Variants in TNFSF4 observed in about 807,000 individuals in gnomAD.
TNFSF4 encodes tumor necrosis factor ligand superfamily member 4.
TNFSF4 carries 4 observed loss-of-function variants against 7.3 expected under a neutral mutation model. The observed-to-expected ratio is 0.55, with a 90% CI of 0.27 to 1.25. TNFSF4 has a LOEUF of 1.25. Among genes scored for constraint, TNFSF4 ranks in the 50% most tolerant of loss-of-function variants. The probability of loss-of-function intolerance (pLI) is 0.12; values close to 1 mark genes in which losing one functional copy is unlikely to be tolerated. For synonymous variants in TNFSF4, 76 were observed against 83.7 expected (o/e 0.91, Z 0.50); for missense variants, 181 against 208.8 (o/e 0.87, Z 0.82).
chr1:173,191,549 G>A (rs902741267), intron 1 of TNFSF4, among the ~76,000 whole-genome samples: 4 of 152,094 alleles, frequency 2.6e-5, no homozygotes, highest in African/African-American at 9.7e-5. Flanking sequence ...GAAGAGCCTG[G>A]CTCCAACCTC....
chr1:173,433,119 CAA>C, the TNFSF4 span, among the ~76,000 whole-genome samples: 2 of 152,086 alleles, frequency 1.3e-5, no homozygotes, highest in Admixed American at 6.6e-5. Context: ...AATAAGCAAA[CAA>C]GATGTCAAGT....
chr1:173,386,019 TTCA>T, the TNFSF4 span, among the ~76,000 whole-genome samples: 1 of 152,158 alleles, frequency 6.6e-6, no homozygotes, highest in East Asian at 1.9e-4. Flanking sequence ...TCAAATGTTA[TTCA>T]TCAAGACAAG....
At chr1:173,293,004 A>G in the TNFSF4 span, among the ~76,000 whole-genome samples, 534 of 152,280 alleles carry the variant, frequency 3.5e-3, 6 homozygotes, top group African/African-American at 0.011. Flanking sequence ...ACAAAAATAA[A>G]TGGAGAAATA....
the TNFSF4 span, among the ~76,000 whole-genome samples, chr1:173,265,929 A>C: frequency 6.6e-6 from 1 of 152,190 alleles, no homozygotes; most frequent in Non-Finnish European, 1.5e-5. Flanking sequence ...ATCTAATCAT[A>C]AAACTCTTTT....
chr1:173,316,432 C>G, the TNFSF4 span, among the ~76,000 whole-genome samples: 3 of 152,020 alleles, frequency 2.0e-5, no homozygotes, highest in African/African-American at 7.2e-5. Context: ...CTCAATAACA[C>G]AGAATATACA....
At chr1:173,297,316 AC>A in the TNFSF4 span, among the ~76,000 whole-genome samples, 1 of 151,948 alleles carries the variant, frequency 6.6e-6, no homozygotes, top group East Asian at 1.9e-4. Context: ...CTGGCAACAC[AC>A]GAAAAAAAAA....
At chr1:173,225,679 A>G in the TNFSF4 span, among the ~76,000 whole-genome samples, 1 of 152,262 alleles carries the variant, frequency 6.6e-6, no homozygotes, top group Non-Finnish European at 1.5e-5. Context: ...ACTGAGGACT[A>G]GCTTCCCTTA....
the TNFSF4 span, among the ~76,000 whole-genome samples, chr1:173,298,267 T>C: frequency 6.6e-6 from 1 of 151,758 alleles, no homozygotes; most frequent in Non-Finnish European, 1.5e-5. Context: ...ACAAATACAG[T>C]GGTTTTTCTT....
chr1:173,384,429 A>G, the TNFSF4 span, among the ~76,000 whole-genome samples: 4 of 152,198 alleles, frequency 2.6e-5, no homozygotes, highest in Admixed American at 2.6e-4. Context: ...AGCAGTACAC[A>G]ATATTGTTCT....
At chr1:173,401,136 G>A in the TNFSF4 span, among the ~76,000 whole-genome samples, 1 of 152,102 alleles carries the variant, frequency 6.6e-6, no homozygotes, top group Non-Finnish European at 1.5e-5. Context: ...ACATCGTAGT[G>A]TTTAAGTTAT....
chr1:173,201,501 GATA>G (rs904797631), intron 1 of TNFSF4, among the ~76,000 whole-genome samples: 3 of 152,124 alleles, frequency 2.0e-5, no homozygotes, highest in African/African-American at 4.8e-5. Context: ...CATGGATAAT[GATA>G]ATAATAATCT....
At chr1:173,343,478 G>C in the TNFSF4 span, among the ~76,000 whole-genome samples, 1 of 152,180 alleles carries the variant, frequency 6.6e-6, no homozygotes, top group African/African-American at 2.4e-5. Context: ...ATAGAAATGG[G>C]AAAGGATATG....
chr1:173,313,482 T>A, the TNFSF4 span, among the ~76,000 whole-genome samples: 1 of 152,118 alleles, frequency 6.6e-6, no homozygotes, highest in Non-Finnish European at 1.5e-5. Flanking sequence ...TCCTAAGCAG[T>A]AATATATTTA....
At chr1:173,400,141 C>T in the TNFSF4 span, among the ~76,000 whole-genome samples, 1 of 152,238 alleles carries the variant, frequency 6.6e-6, no homozygotes, top group Non-Finnish European at 1.5e-5. Flanking sequence ...GATCAAAGAA[C>T]TCACTTCACA....
the TNFSF4 span, among the ~76,000 whole-genome samples, chr1:173,347,798 G>A: frequency 6.6e-6 from 1 of 152,146 alleles, no homozygotes; most frequent in South Asian, 2.1e-4. Context: ...GACATTTGGG[G>A]CCACATAATT....
At chr1:173,286,800 A>G in the TNFSF4 span, among the ~76,000 whole-genome samples, 1 of 152,190 alleles carries the variant, frequency 6.6e-6, no homozygotes, top group Non-Finnish European at 1.5e-5. Context: ...GATAATGAAA[A>G]TGCAAGAAAC....
chr1:173,283,259 G>A, the TNFSF4 span, among the ~76,000 whole-genome samples: 1 of 151,994 alleles, frequency 6.6e-6, no homozygotes, highest in Non-Finnish European at 1.5e-5. Flanking sequence ...ATCTCTGAAG[G>A]CACCAATCAA....
chr1:173,217,897 G>A, the TNFSF4 span, among the ~76,000 whole-genome samples: 1 of 151,926 alleles, frequency 6.6e-6, no homozygotes, highest in Non-Finnish European at 1.5e-5. Flanking sequence ...ACAGGAACGT[G>A]CCACCATGTA....
chr1:173,194,845 C>T (rs1179472534), intron 1 of TNFSF4, among the ~76,000 whole-genome samples: 1 of 121,576 alleles, frequency 8.2e-6, no homozygotes, highest in African/African-American at 3.2e-5. Context: ...CAGGGAGCCA[C>T]AATCATGCCA....
Sources: gnomAD v4.1 joint callset for allele counts (sites outside exome capture counted in the v4.1 genomes callset) on GRCh38, gnomAD v4.1.1 for gene constraint, MANE v1.5 for transcripts, NCBI Gene and HGNC (gene_info 2026-07-23, HGNC 2026-07-21) for gene names.